YEATS4: variants seen among roughly 807,000 people sequenced by gnomAD.
YEATS4 encodes the protein YEATS domain containing 4, also known as YEATS domain-containing protein 4.
A neutral mutation model predicts 30.1 loss-of-function variants in YEATS4; 17 were observed. The ratio of observed to expected loss-of-function variants is 0.56; its 90% confidence interval spans 0.39 to 0.85. YEATS4 has a LOEUF of 0.85. Ranked by LOEUF, YEATS4 falls within the 40% of genes least tolerant of loss-of-function variation. The pLI is 0.00. For synonymous variants in YEATS4, 85 were observed against 87.5 expected, an observed-to-expected ratio of 0.97 and a Z score of 0.16; for missense variants, 142 against 268.3, an observed-to-expected ratio of 0.53 and a Z score of 3.29.
chr12:69,362,981 A>ATTT, intron 2 of YEATS4, 74 bp downstream of exon 2: 1 of 311,628 alleles, frequency 3.2e-6, no homozygotes, highest in Non-Finnish European at 4.2e-6. Context: ...GACAACCTGT[A>ATTT]GTTTTTTTTT....
intron 6 of YEATS4, among the ~76,000 whole-genome samples, chr12:69,375,107 G>A (rs1309963275): frequency 6.6e-6 from 1 of 151,570 alleles, no homozygotes; most frequent in East Asian, 2.0e-4. Flanking sequence ...CTTCCCTGAC[G>A]GGGTGGCTGC....
chr12:69,378,211 A>G (rs1472643939), intron 6 of YEATS4, among the ~76,000 whole-genome samples: 1 of 151,834 alleles, frequency 6.6e-6, no homozygotes, highest in Non-Finnish European at 1.5e-5. Flanking sequence ...TTTGCATGCA[A>G]TATCTTTTTC....
At chr12:69,360,667 AT>A (rs71932216) in intron 1 of YEATS4, among the ~76,000 whole-genome samples, 2,877 of 143,646 alleles carry the variant, frequency 0.02, 66 homozygotes, top group African/African-American at 0.033. Flanking sequence ...TGGCACGTTA[AT>A]TTTTTTTTTT....
At chr12:69,422,304 C>G in the YEATS4 span, among the ~76,000 whole-genome samples, 1 of 152,120 alleles carries the variant, frequency 6.6e-6, no homozygotes. Flanking sequence ...AAGTAAAGCT[C>G]TCTCAGGTCC....
chr12:69,363,370 A>G (rs1045883182), intron 2 of YEATS4, among the ~76,000 whole-genome samples: 2 of 152,148 alleles, frequency 1.3e-5, no homozygotes, highest in East Asian at 1.9e-4. Context: ...AAAGTTTTTG[A>G]AAAAATAGAG....
the YEATS4 span, among the ~76,000 whole-genome samples, chr12:69,421,619 C>T: frequency 7.9e-5 from 12 of 152,100 alleles, no homozygotes; most frequent in Admixed American, 6.5e-4. Context: ...TATCTCATGA[C>T]TAAGAAATCA....
chr12:69,413,852 AAAAAAAAAAAAG>A, the YEATS4 span, among the ~76,000 whole-genome samples: 3 of 114,450 alleles, frequency 2.6e-5, no homozygotes, highest in South Asian at 3.8e-4. Context: ...ACTTCGTCAA[AAAAAAAAAAAAG>A]AAAAAGAAAA....
chr12:69,399,535 T>C, the YEATS4 span, among the ~76,000 whole-genome samples: 2 of 152,210 alleles, frequency 1.3e-5, no homozygotes, highest in African/African-American at 4.8e-5. Context: ...CTCTCATATA[T>C]TTCTGGTAAA....
At chr12:69,380,982 G>A (rs1454877051) in intron 6 of YEATS4, among the ~76,000 whole-genome samples, 1 of 152,198 alleles carries the variant, frequency 6.6e-6, no homozygotes, top group Non-Finnish European at 1.5e-5. Flanking sequence ...TGGAGGCAGG[G>A]TGAGATCACA....
intron 1 of YEATS4, 66 bp downstream of exon 1, chr12:69,360,089 G>C (rs1875129187): frequency 6.5e-6 from 10 of 1,548,710 alleles, no homozygotes; most frequent in Admixed American, 1.8e-5. Context: ...TGCGCGGCGC[G>C]GGGAGGGCCC....
the YEATS4 span, chr12:69,422,622 C>A: frequency 1.5e-5 from 2 of 129,806 alleles, no homozygotes; most frequent in East Asian, 4.8e-4. Context: ...CAAAGCGAGA[C>A]CCTGTCTCAA....
At chr12:69,413,412 G>A in the YEATS4 span, among the ~76,000 whole-genome samples, 38 of 150,838 alleles carry the variant, frequency 2.5e-4, no homozygotes, top group Non-Finnish European at 7.4e-5. Flanking sequence ...TTTTCTTCCT[G>A]GGATCTCACA....
At chr12:69,385,717 G>A (rs1230289245) in intron 6 of YEATS4, among the ~76,000 whole-genome samples, 3 of 152,128 alleles carry the variant, frequency 2.0e-5, no homozygotes, top group Non-Finnish European at 2.9e-5. Context: ...AAGCACTAAT[G>A]ATCTAGCTTT....
At chr12:69,365,564 C>T (rs756548948) in intron 2 of YEATS4, 69 bp from the exon 3 acceptor site, 64 of 1,102,512 alleles carry the variant, frequency 5.8e-5, no homozygotes, top group Non-Finnish European at 8.2e-5. Context: ...TAAGTATATA[C>T]GCTCAGTGTA....
chr12:69,380,207 A>G (rs1876020012), intron 6 of YEATS4, among the ~76,000 whole-genome samples: 1 of 152,152 alleles, frequency 6.6e-6, no homozygotes, highest in Non-Finnish European at 1.5e-5. Context: ...TAGTCTTTGT[A>G]ATCTAGGTTT....
the YEATS4 span, among the ~76,000 whole-genome samples, chr12:69,409,146 C>T: frequency 2.0e-5 from 3 of 152,246 alleles, no homozygotes; most frequent in Admixed American, 2.0e-4. Flanking sequence ...ATCGTGGCTC[C>T]GTTGCACACT....
In YEATS4 at chr12:69,359,843, A is replaced by G; in HGVS notation, c.-130A>G. ...TTACTCACCGCCGTGAGCCCAAGTA[A>G]CTCGCCCTCCTTCGGCTAGAAACCC... On this transcript the variant is annotated 5_prime_UTR_variant, in exon 1 of 7. Coordinates refer to ENST00000247843, the MANE Select transcript of YEATS4 (RefSeq NM_006530.4). 1 of 1,116,222 alleles carries G rather than the reference A, an allele frequency of 9.0e-7. No homozygotes were observed. Among genetic ancestry groups the G allele is most frequent in the East Asian group, 2.7e-5 (1 of 36,998 alleles). The allele number at this position is 1,116,222 out of a possible 1,614,324, so 69.1% of individuals were successfully genotyped here.
At chr12:69,403,700 G>T in the YEATS4 span, among the ~76,000 whole-genome samples, 1 of 152,038 alleles carries the variant, frequency 6.6e-6, no homozygotes, top group Admixed American at 6.6e-5. Flanking sequence ...CATGAATGTG[G>T]CAAAGGAATT....
chr12:69,365,395 G>C lies in YEATS4; in HGVS notation c.172-238G>C, dbSNP rs555390883. 4.8e-4 allele frequency among the ~76,000 whole-genome samples: 73 copies of C among 150,664 alleles called. 1 individual carries two copies. The South Asian group carries it at 0.015, about 31-fold the overall frequency. ...GAACCTGGGTCAGGGAAGTTGCAGT[G>C]AGCCAAGATCATGCCACTGCACTCC... On this transcript the variant is annotated intron_variant, in intron 2 of 6. Transcript: ENST00000247843.
Sources: allele counts gnomAD v4.1 joint callset (sites outside exome capture counted in the v4.1 genomes callset), GRCh38; gene constraint gnomAD v4.1.1; transcripts MANE v1.5; gene names NCBI Gene and HGNC (gene_info 2026-07-23, HGNC 2026-07-21).